RBM28: variants seen among roughly 807,000 people sequenced by gnomAD.
The protein encoded by RBM28 is RNA-binding protein 28.
RBM28 carries 78 observed loss-of-function variants against 98.3 expected under a neutral mutation model. The observed-to-expected ratio is 0.79, with a 90% CI of 0.66 to 0.96. RBM28 has a LOEUF of 0.96. Ranked by LOEUF, RBM28 falls within the 40% of genes least tolerant of loss-of-function variation. The pLI, the probability that RBM28 is intolerant of heterozygous loss-of-function variation, is 0.00. For missense variants in RBM28, 838 were observed against 913.0 expected (o/e 0.92, Z 1.06); for synonymous variants, 306 against 330.9 (o/e 0.92, Z 0.82).
intron 1 of RBM28, among the ~76,000 whole-genome samples, chr7:128,342,934 A>AC: frequency 6.6e-6 from 1 of 151,558 alleles, no homozygotes. Flanking sequence ...GCCACTCTTC[A>AC]CCCCCTCTCC....
Position 128,330,965 on chromosome 7 carries a change from A to AT in RBM28, c.1020-38dup. 2.2e-6 allele frequency: 3 copies of AT among 1,354,350 alleles called. No individual in the cohort carries two copies. In the South Asian group the frequency reaches 3.5e-5, roughly 16 times the overall value. The allele number at this position is 1,354,350 out of a possible 1,614,324, so 83.9% of individuals were successfully genotyped here. On this transcript the variant is annotated intron_variant, in intron 9 of 18. Coordinates refer to ENST00000223073, the MANE Select transcript of RBM28 (RefSeq NM_018077.3). The stretch of plus-strand genomic sequence containing the variant: ...AACCAGATGATCACAAGAAAAGTCA[A>AT]TTACATAAGTGAGATCCTATGTTCC...
intron 11 of RBM28, 68 bp from the exon 12 acceptor site, chr7:128,324,762 C>G: frequency 6.8e-6 from 11 of 1,607,346 alleles, no homozygotes; most frequent in Non-Finnish European, 9.3e-6. Context: ...ACCTGTAAAC[C>G]GAGCACTTTG....
At position 128,324,692 on chromosome 7, in the gene RBM28, A is replaced by G. The variant is rs143573010; in HGVS notation, c.1206T>C (p.Ala402=). Residue 402 remains alanine (A), a splice_region_variant and synonymous_variant, in exon 12 of 19, where the codon GCT becomes GCC. Transcript: ENST00000223073. ...GCCGGCCATCCAGTTTAAGCCCACC[A>G]GCCTGTAACAGATCACAACCCTTTC... ...CLLAASPENE[A]GGLKLDGRQL... The G allele has an allele frequency of 2.2e-4, 351 of 1,614,176 alleles. 1 individual carries two copies. The African/African-American group carries it at 3.8e-3, about 17-fold the overall frequency.
intron 9 of RBM28, 90 bp downstream of exon 9, chr7:128,333,200 G>A: frequency 9.8e-7 from 1 of 1,018,762 alleles, no homozygotes; most frequent in Non-Finnish European, 1.6e-6. Context: ...TTCTGGGCTA[G>A]GTAACAGAAC....
chr7:128,336,155 GTA>G, intron 6 of RBM28, 113 bp from the exon 7 acceptor site: 1 of 1,085,806 alleles, frequency 9.2e-7, no homozygotes, highest in African/African-American at 1.6e-5. Context: ...ACAGAATTTC[GTA>G]TATTTTTCTT....
At chr7:128,323,817 C>T (rs1044489418) in intron 12 of RBM28, among the ~76,000 whole-genome samples, 1 of 152,176 alleles carries the variant, frequency 6.6e-6, no homozygotes, top group African/African-American at 2.4e-5. Flanking sequence ...GATTTTATTC[C>T]TCTTCTCCTT....
At position 128,308,804 on chromosome 7, in the gene RBM28, C is replaced by T. The variant is rs1795915250; in HGVS notation, c.*1993G>A. ...ATCAGCCTGGCCAACATGGTGAAAA[C>T]CCGTCTCTACTAAAAATACAAAAAT... On this transcript the variant is annotated 3_prime_UTR_variant, in exon 19 of 19. Coordinates refer to ENST00000223073, the MANE Select transcript of RBM28 (RefSeq NM_018077.3). 1 of 152,056 alleles carries T rather than the reference C, an allele frequency of 6.6e-6. No homozygotes were observed. The highest frequency in any genetic ancestry group is 1.5e-5 in the Non-Finnish European group (1 of 68,072). The allele number at this position is 152,056 out of a possible 1,614,324, so 9.4% of individuals were successfully genotyped here. A position where few individuals can be genotyped will look rare whatever the true frequency, so the allele number is the denominator to read the frequency against.
chr7:128,313,801 G>A (rs1175111379), intron 17 of RBM28, among the ~76,000 whole-genome samples: 2 of 152,210 alleles, frequency 1.3e-5, no homozygotes, highest in Non-Finnish European at 2.9e-5. Flanking sequence ...CACAAGATCT[G>A]GTTGTTTAAA....
At chr7:128,322,509 C>T (rs1433125870) in intron 13 of RBM28, among the ~76,000 whole-genome samples, 3 of 152,202 alleles carry the variant, frequency 2.0e-5, no homozygotes, top group Admixed American at 1.3e-4. Context: ...CCTTGGAAAA[C>T]GACTATTAAA....
chr7:128,328,157 T>C (rs974383564), intron 10 of RBM28, among the ~76,000 whole-genome samples: 3 of 152,232 alleles, frequency 2.0e-5, no homozygotes, highest in Non-Finnish European at 4.4e-5. Flanking sequence ...AATTCTTATC[T>C]GTTTCTATAT....
chr7:128,310,731 G>A lies in RBM28; in HGVS notation c.*66C>T. On this transcript the variant is annotated 3_prime_UTR_variant, in exon 19 of 19. Coordinates refer to ENST00000223073, the MANE Select transcript of RBM28 (RefSeq NM_018077.3). The stretch of plus-strand genomic sequence containing the variant: ...CCCTCAGTGAGAGACACGGGGGATG[G>A]GGAGGAGCCCAGGAGTGTCACCAGA... 13 of 1,594,670 alleles carry A rather than the reference G, an allele frequency of 8.2e-6. 1 individual carries two copies. Among genetic ancestry groups the A allele is most frequent in the Non-Finnish European group, 1.1e-5 (13 of 1,167,056 alleles).
chr7:128,313,395 C>T, intron 17 of RBM28, 121 bp from the exon 18 acceptor site: 3 of 940,810 alleles, frequency 3.2e-6, no homozygotes, highest in Non-Finnish European at 5.2e-6. Flanking sequence ...AAAAGGGATA[C>T]TGCAACAGAC....
intron 13 of RBM28, 137 bp downstream of exon 13, chr7:128,323,389 CT>C: frequency 1.0e-6 from 1 of 974,090 alleles, no homozygotes; most frequent in Non-Finnish European, 1.7e-6. Context: ...CACCTATGTG[CT>C]TTTCTCCCTA....
Position 128,314,826 on chromosome 7 carries a change from C to G in RBM28, c.1983G>C (p.Leu661=), listed in dbSNP as rs1223757359. 3.1e-6 allele frequency: 5 copies of G among 1,614,060 alleles called. No individual in the cohort carries two copies. The highest frequency in any genetic ancestry group is 2.2e-5 in the East Asian group (1 of 44,896). ...QTKAEVEQVE[L]PDGKKRRKVL... The stretch of plus-strand genomic sequence containing the variant: ...CCTTTCTTCTCTTCTTTCCATCAGG[C>G]AGCTCCACCTGCTCCACTTCAGCCT... The change falls in exon 17 of 19, where the codon CTG becomes CTC. Residue 661 remains leucine (L), a synonymous_variant. Coordinates refer to ENST00000223073, the MANE Select transcript of RBM28 (RefSeq NM_018077.3).
rs2116291761 is a variant in RBM28 at position 128,299,575 on chromosome 7, A to C, written c.*11222T>G. 1 of 152,362 alleles carries C rather than the reference A, an allele frequency of 6.6e-6. No homozygotes were observed. Among genetic ancestry groups the C allele is most frequent in the South Asian group, 2.1e-4 (1 of 4,830 alleles). 9.4% of individuals were successfully genotyped at this position (152,362 alleles called of 1,614,324 possible). On this transcript the variant is annotated 3_prime_UTR_variant, in exon 19 of 19. Coordinates refer to ENST00000223073, the MANE Select transcript of RBM28 (RefSeq NM_018077.3). ...AATGACATATGTTTCTCTTCACAGC[A>C]GTTTGTAATAGCAAAGGTTGGAAAC...
chr7:128,326,148 C>T (rs1460463985), intron 10 of RBM28, among the ~76,000 whole-genome samples: 1 of 151,932 alleles, frequency 6.6e-6, no homozygotes, highest in Non-Finnish European at 1.5e-5. Context: ...ACTAAAAATA[C>T]AAAAAATTAG....
intron 15 of RBM28, 89 bp from the exon 16 acceptor site, chr7:128,317,822 C>A (rs1249135388): frequency 3.3e-6 from 5 of 1,507,092 alleles, no homozygotes; most frequent in East Asian, 2.3e-5. Flanking sequence ...CATCCTCCCC[C>A]AACCCACCTT....
At chr7:128,341,280 G>T in intron 1 of RBM28, 2 of 869,644 alleles carry the variant, frequency 2.3e-6, no homozygotes, top group Non-Finnish European at 3.2e-6. Flanking sequence ...CATAAAAGCT[G>T]CCCACTCACC....
intron 5 of RBM28, among the ~76,000 whole-genome samples, chr7:128,337,451 A>C (rs1365133741): frequency 6.6e-6 from 1 of 152,144 alleles, no homozygotes; most frequent in Non-Finnish European, 1.5e-5. Context: ...TGGAGTAAAA[A>C]AATAAAGAAT....
Sources: allele counts gnomAD v4.1 joint callset (sites outside exome capture counted in the v4.1 genomes callset), GRCh38; gene constraint gnomAD v4.1.1; transcripts MANE v1.5; gene names NCBI Gene and HGNC (gene_info 2026-07-23, HGNC 2026-07-21).